CNTLN: variants seen among roughly 807,000 people sequenced by gnomAD.
The protein encoded by CNTLN is centlein, also known as centlein, centrosomal protein.
CNTLN carries 212 observed loss-of-function variants against 180.0 expected under a neutral mutation model. The observed-to-expected ratio is 1.18, with a 90% CI of 1.05 to 1.32. CNTLN has a LOEUF of 1.32. CNTLN is among the 40% of genes most tolerant of loss of function. CNTLN has a pLI of 0.00. For missense variants in CNTLN, 2,095 were observed against 1,610.9 expected (o/e 1.30, Z -5.14); for synonymous variants, 722 against 563.1 (o/e 1.28, Z -3.99).
chr9:17,520,229 C>G, the CNTLN span, among the ~76,000 whole-genome samples: 1 of 152,158 alleles, frequency 6.6e-6, no homozygotes, highest in East Asian at 1.9e-4. Flanking sequence ...GTAATAGCCA[C>G]CTATAGTTTT....
At chr9:17,205,587 G>A (rs1221614321) in intron 2 of CNTLN, among the ~76,000 whole-genome samples, 1 of 152,194 alleles carries the variant, frequency 6.6e-6, no homozygotes, top group South Asian at 2.1e-4. Flanking sequence ...GGTGGGAGCA[G>A]TCAGCTGGCT....
At chr9:17,420,969 G>A (rs79681093) in intron 18 of CNTLN, among the ~76,000 whole-genome samples, 5,309 of 152,150 alleles carry the variant, frequency 0.035, 160 homozygotes, top group East Asian at 0.17. Flanking sequence ...GATTTGTTTT[G>A]TGGCCTAACA....
At chr9:17,325,830 GA>G (rs931429479) in intron 8 of CNTLN, among the ~76,000 whole-genome samples, 61 of 151,720 alleles carry the variant, frequency 4.0e-4, no homozygotes, top group African/African-American at 1.3e-3. Flanking sequence ...AATGTAGTAG[GA>G]AAAAATATTT....
intron 18 of CNTLN, among the ~76,000 whole-genome samples, chr9:17,452,262 C>T (rs548392281): frequency 6.6e-6 from 1 of 152,270 alleles, no homozygotes; most frequent in South Asian, 2.1e-4. Context: ...CATTCCTAAA[C>T]ATTAAAATGT....
intron 8 of CNTLN, among the ~76,000 whole-genome samples, chr9:17,322,527 A>G (rs1230132146): frequency 6.6e-6 from 1 of 152,192 alleles, no homozygotes; most frequent in Non-Finnish European, 1.5e-5. Flanking sequence ...GAAATTTAGC[A>G]TATCTAATGG....
rs970712824 is a variant in CNTLN at position 17,178,974 on chromosome 9, G to T, written c.449+35598G>T. Among the ~76,000 whole-genome samples the T allele has an allele frequency of 4.8e-5, 7 of 146,212 alleles. No homozygotes were observed. In the East Asian group the frequency reaches 1.4e-3, roughly 29 times the overall value. On this transcript the variant is annotated intron_variant, in intron 2 of 25. Transcript: ENST00000380647. ...AAGTGTAGATTATTGGCCGGGCGCG[G>T]TGGCTCACGCCTGTAATCCCAGCAC...
At chr9:17,344,096 A>T (rs1821695565) in intron 12 of CNTLN, among the ~76,000 whole-genome samples, 1 of 152,180 alleles carries the variant, frequency 6.6e-6, no homozygotes, top group South Asian at 2.1e-4. Flanking sequence ...GAGAGACCTA[A>T]TCTAACTATT....
At chr9:17,372,803 G>C (rs1304264229) in intron 13 of CNTLN, among the ~76,000 whole-genome samples, 5 of 152,050 alleles carry the variant, frequency 3.3e-5, no homozygotes, top group African/African-American at 4.8e-5. Flanking sequence ...TTTATCCAAG[G>C]GTTGCAAGGA....
intron 2 of CNTLN, chr9:17,168,466 GGTT>G (rs1447151841): frequency 6.6e-6 from 1 of 152,060 alleles, no homozygotes; most frequent in African/African-American, 2.4e-5. Flanking sequence ...TGGTGGTGGT[GGTT>G]GTTTTTTGGT....
chr9:17,388,755 G>T (rs891186077), intron 14 of CNTLN, among the ~76,000 whole-genome samples: 1 of 151,674 alleles, frequency 6.6e-6, no homozygotes, highest in African/African-American at 2.4e-5. Context: ...ATTTAGTACA[G>T]CATTTTATGT....
At chr9:17,468,879 A>G (rs1241138317) in intron 23 of CNTLN, among the ~76,000 whole-genome samples, 1 of 151,766 alleles carries the variant, frequency 6.6e-6, no homozygotes, top group East Asian at 1.9e-4. Flanking sequence ...TTGTTCAGCA[A>G]CAGTGATATT....
chr9:17,337,179 G>T (rs1821106066), intron 10 of CNTLN, among the ~76,000 whole-genome samples: 1 of 151,926 alleles, frequency 6.6e-6, no homozygotes, highest in Admixed American at 6.6e-5. Context: ...TTGTAAATTT[G>T]TTTAAGTTCC....
chr9:17,290,769 T>A (rs1029656024), intron 6 of CNTLN, among the ~76,000 whole-genome samples: 1 of 151,618 alleles, frequency 6.6e-6, no homozygotes, highest in Non-Finnish European at 1.5e-5. Flanking sequence ...GTGACCCGAT[T>A]TTCCAGGTGC....
chr9:17,143,452 TATC>T (rs1457209082), intron 2 of CNTLN, 76 bp downstream of exon 2: 1 of 1,006,764 alleles, frequency 9.9e-7, no homozygotes, highest in Non-Finnish European at 1.5e-6. Context: ...AGTTAGTACT[TATC>T]ATTAATCTCC....
At chr9:17,244,033 A>T (rs1825654225) in intron 5 of CNTLN, among the ~76,000 whole-genome samples, 1 of 151,984 alleles carries the variant, frequency 6.6e-6, no homozygotes. Flanking sequence ...TCTTTTGCTG[A>T]ATTGACCTCT....
chr9:17,284,268 T>C (rs1828840966), intron 6 of CNTLN, among the ~76,000 whole-genome samples: 1 of 152,212 alleles, frequency 6.6e-6, no homozygotes, highest in South Asian at 2.1e-4. Context: ...AGGATGATAC[T>C]GACCTCATAA....
At chr9:17,256,738 T>A (rs1826520740) in intron 5 of CNTLN, among the ~76,000 whole-genome samples, 2 of 151,932 alleles carry the variant, frequency 1.3e-5, no homozygotes, top group South Asian at 4.1e-4. Flanking sequence ...CGTTTAAAAG[T>A]TACTTTTCTT....
At chr9:17,415,757 A>T in intron 16 of CNTLN, 31 bp from the exon 17 acceptor site, 2 of 1,276,794 alleles carry the variant, frequency 1.6e-6, no homozygotes, top group Non-Finnish European at 2.3e-6. Context: ...ATTGAAGAAT[A>T]ATACCATTTT....
chr9:17,230,900 T>A (rs1824773587), intron 3 of CNTLN, among the ~76,000 whole-genome samples: 1 of 152,062 alleles, frequency 6.6e-6, no homozygotes, highest in Non-Finnish European at 1.5e-5. Flanking sequence ...TTGTCCATAT[T>A]GATCTTCCAG....
Sources: gnomAD v4.1 joint callset for allele counts (sites outside exome capture counted in the v4.1 genomes callset) on GRCh38, gnomAD v4.1.1 for gene constraint, MANE v1.5 for transcripts, NCBI Gene and HGNC (gene_info 2026-07-23, HGNC 2026-07-21) for gene names.